Variants in RPS6KC1 observed in about 807,000 individuals in gnomAD.
RPS6KC1 encodes inactive ribosomal protein S6 kinase delta-1.
Under a neutral mutation model 103.8 loss-of-function variants are expected in RPS6KC1, and 54 were observed. The observed-to-expected ratio is 0.52, with a 90% CI of 0.42 to 0.65. The LOEUF (loss-of-function observed/expected upper bound fraction) is 0.65. Ranked by LOEUF, RPS6KC1 falls within the 30% of genes least tolerant of loss-of-function variation. The pLI, the probability that RPS6KC1 is intolerant of heterozygous loss-of-function variation, is 0.00. For synonymous variants in RPS6KC1, 439 were observed against 438.7 expected, an observed-to-expected ratio of 1.00 and a Z score of -0.01; for missense variants, 1,151 against 1,253.8, an observed-to-expected ratio of 0.92 and a Z score of 1.24.
rs572123213 is a variant in RPS6KC1 at position 213,144,724 on chromosome 1, C to T, written c.835+14835C>T. ...AATAACTGTCTACAACAGCAGTGTA[C>T]AATAGCAATATCATATCAACACATA... is the stretch of plus-strand genomic sequence containing the variant. On this transcript the variant is annotated intron_variant, in intron 6 of 14. Transcript: ENST00000366960. 1.6e-3 allele frequency among the ~76,000 whole-genome samples: 242 copies of T among 152,060 alleles called. 2 individuals carry two copies. Among genetic ancestry groups the T allele is most frequent in the African/African-American group, 5.6e-3 (234 of 41,490 alleles).
chr1:213,610,804 C>T, the RPS6KC1 span, among the ~76,000 whole-genome samples: 2 of 152,132 alleles, frequency 1.3e-5, no homozygotes, highest in Admixed American at 6.5e-5. Flanking sequence ...CAGTTTGCTC[C>T]GGTGGGACAT....
the RPS6KC1 span, among the ~76,000 whole-genome samples, chr1:213,807,567 C>T: frequency 2.9e-4 from 44 of 152,292 alleles, 1 homozygote; most frequent in Admixed American, 2.2e-3. Flanking sequence ...TCCAGTTGAT[C>T]GCATCAGATC....
At chr1:213,826,319 T>C in the RPS6KC1 span, among the ~76,000 whole-genome samples, 1 of 152,222 alleles carries the variant, frequency 6.6e-6, no homozygotes, top group Non-Finnish European at 1.5e-5. Context: ...TACAATATTA[T>C]TATCACTAAA....
intron 8 of RPS6KC1, among the ~76,000 whole-genome samples, chr1:213,203,705 T>G (rs2093248031): frequency 6.6e-6 from 1 of 152,186 alleles, no homozygotes; most frequent in African/African-American, 2.4e-5. Flanking sequence ...AAAGGTATAA[T>G]TCACCTATAA....
intron 3 of RPS6KC1, among the ~76,000 whole-genome samples, chr1:213,102,894 A>T (rs965187699): frequency 6.6e-6 from 1 of 152,072 alleles, no homozygotes; most frequent in Non-Finnish European, 1.5e-5. Flanking sequence ...TTGTGTATGG[A>T]TCCACTGTTA....
At chr1:213,432,974 C>G in the RPS6KC1 span, among the ~76,000 whole-genome samples, 1 of 152,118 alleles carries the variant, frequency 6.6e-6, no homozygotes, top group African/African-American at 2.4e-5. Context: ...TCTGTCATAA[C>G]AAATTATCAC....
At chr1:213,525,779 A>G in the RPS6KC1 span, among the ~76,000 whole-genome samples, 3 of 152,208 alleles carry the variant, frequency 2.0e-5, no homozygotes, top group Admixed American at 6.5e-5. Context: ...GATGATAAGG[A>G]CTGAGGACTG....
At chr1:213,106,651 A>G (rs2082528719) in intron 4 of RPS6KC1, among the ~76,000 whole-genome samples, 1 of 152,200 alleles carries the variant, frequency 6.6e-6, no homozygotes, top group South Asian at 2.1e-4. Flanking sequence ...GACATTGATG[A>G]TGCCACATGC....
the RPS6KC1 span, among the ~76,000 whole-genome samples, chr1:213,500,335 G>A: frequency 2.2e-3 from 335 of 152,196 alleles, 3 homozygotes; most frequent in South Asian, 0.01. Context: ...GGGTCTTCAA[G>A]GGCAATAGCA....
At chr1:213,179,958 C>T (rs1231667848) in intron 8 of RPS6KC1, among the ~76,000 whole-genome samples, 1 of 152,088 alleles carries the variant, frequency 6.6e-6, no homozygotes, top group Non-Finnish European at 1.5e-5. Flanking sequence ...GAGACTGCTA[C>T]CTGGTACGAT....
At position 213,145,223 on chromosome 1, in the gene RPS6KC1, G is replaced by A. The variant is rs150271673; in HGVS notation, c.835+15334G>A. Among the ~76,000 whole-genome samples, 315 of 152,272 alleles carry A rather than the reference G, an allele frequency of 2.1e-3. 1 individual carries two copies. The highest frequency in any genetic ancestry group is 7.0e-3 in the African/African-American group (290 of 41,564). ...TGATTTCTGAGAGGAAACAAATGAAGTTAGGCTCATGATTGTCCCAGATTG... is the reference window on the plus strand; with the variant it reads ...TGATTTCTGAGAGGAAACAAATGAAATTAGGCTCATGATTGTCCCAGATTG... On this transcript the variant is annotated intron_variant, in intron 6 of 14. Transcript: ENST00000366960.
chr1:213,567,109 T>A, the RPS6KC1 span, among the ~76,000 whole-genome samples: 5 of 152,220 alleles, frequency 3.3e-5, no homozygotes, highest in East Asian at 9.6e-4. Flanking sequence ...ACTTTTTATA[T>A]TAATTTCTAG....
chr1:213,401,773 A>G, the RPS6KC1 span, among the ~76,000 whole-genome samples: 5 of 150,314 alleles, frequency 3.3e-5, no homozygotes, highest in African/African-American at 1.2e-4. Context: ...TTTTATTTTT[A>G]TTTTTACTTA....
At chr1:213,381,651 C>T in the RPS6KC1 span, among the ~76,000 whole-genome samples, 1 of 152,036 alleles carries the variant, frequency 6.6e-6, no homozygotes, top group African/African-American at 2.4e-5. Context: ...GCTGTGACAC[C>T]GAGAGCTGCC....
intron 1 of RPS6KC1, among the ~76,000 whole-genome samples, chr1:213,060,610 CTTGT>C (rs1393653457): frequency 1.3e-5 from 2 of 152,186 alleles, no homozygotes; most frequent in South Asian, 2.1e-4. Flanking sequence ...CTGATTTCAT[CTTGT>C]TTGTTGACAA....
At chr1:213,716,041 A>C in the RPS6KC1 span, among the ~76,000 whole-genome samples, 2 of 151,798 alleles carry the variant, frequency 1.3e-5, no homozygotes, top group African/African-American at 2.4e-5. Flanking sequence ...AAAAATATAA[A>C]AATTTATAGT....
the RPS6KC1 span, among the ~76,000 whole-genome samples, chr1:213,717,575 A>G: frequency 0.02 from 2,998 of 152,270 alleles, 46 homozygotes; most frequent in Non-Finnish European, 0.03. Context: ...ACTGGGGCCA[A>G]AGTTTGAATG....
At chr1:213,739,185 C>A in the RPS6KC1 span, among the ~76,000 whole-genome samples, 1 of 152,076 alleles carries the variant, frequency 6.6e-6, no homozygotes, top group Non-Finnish European at 1.5e-5. Flanking sequence ...GAATAAAGAC[C>A]TCTATGATGA....
the RPS6KC1 span, among the ~76,000 whole-genome samples, chr1:213,377,287 C>A: frequency 2.0e-5 from 3 of 152,168 alleles, no homozygotes; most frequent in African/African-American, 7.2e-5. Flanking sequence ...TTGAAATTCA[C>A]AAGAGAGGGA....
Sources: allele counts gnomAD v4.1 joint callset (sites outside exome capture counted in the v4.1 genomes callset), GRCh38; gene constraint gnomAD v4.1.1; transcripts MANE v1.5; gene names NCBI Gene and HGNC (gene_info 2026-07-23, HGNC 2026-07-21).